The following SYNRG variants were observed in gnomAD, a reference collection of about 807,000 sequenced individuals.
SYNRG encodes the protein AP1 gamma subunit binding protein 1.
In SYNRG, 37 loss-of-function variants were observed where a neutral mutation model predicts 130.9. That is an observed-to-expected ratio of 0.28 (90% CI 0.22 to 0.37). SYNRG has a LOEUF of 0.37. SYNRG is among the 10% of genes least tolerant of loss of function. The pLI, the probability that SYNRG is intolerant of heterozygous loss-of-function variation, is 1.00. For missense variants in SYNRG, 1,338 were observed against 1,588.9 expected, an observed-to-expected ratio of 0.84 and a Z score of 2.68; for synonymous variants, 539 against 568.1, an observed-to-expected ratio of 0.95 and a Z score of 0.73.
chr17:37,549,793 T>A (rs2058576247), intron 14 of SYNRG, among the ~76,000 whole-genome samples: 1 of 151,696 alleles, frequency 6.6e-6, no homozygotes, highest in Non-Finnish European at 1.5e-5. Context: ...GGTTTTGCCA[T>A]GTTGCCTAGG....
At chr17:37,570,220 T>C (rs886272570) in intron 10 of SYNRG, among the ~76,000 whole-genome samples, 3 of 147,676 alleles carry the variant, frequency 2.0e-5, no homozygotes, top group Non-Finnish European at 4.5e-5. Context: ...ATCGTAATCA[T>C]AGCTCACTGC....
chr17:37,542,515 C>T lies in SYNRG; in HGVS notation c.2659G>A (p.Ala887Thr), dbSNP rs1329509713. The change falls in exon 15 of 22, where the codon GCA (alanine) becomes ACA (threonine). Residue 887 changes from alanine to threonine, a missense_variant. By Grantham distance (58) the Ala-to-Thr change is moderately conservative. Transcript: ENST00000612223. ...TCATAGCTTGTAAGTGTGCTCACTG[C>T]AAAATTGCTACTGTAGCTTCCAAAA... ...AAFGSYSSNF[A>T]VSTLTSYDWS... is the part of the protein sequence containing the mutation. The T allele has an allele frequency of 3.1e-6, 5 of 1,613,068 alleles. No homozygotes were observed. Among genetic ancestry groups the T allele is most frequent in the Non-Finnish European group, 4.2e-6 (5 of 1,180,010 alleles).
Position 37,609,377 on chromosome 17 carries a change from C to T in SYNRG, c.-22G>A. The T allele has an allele frequency of 7.1e-7, 1 of 1,408,442 alleles. No individual in the cohort carries two copies. Among genetic ancestry groups the T allele is most frequent in the South Asian group, 1.5e-5 (1 of 67,550 alleles). 87.2% of individuals were successfully genotyped at this position (1,408,442 alleles called of 1,614,324 possible). ...CCATCTTGCTCCCGACCTGCCGCTG[C>T]CTTCGCCGCCGCCACCTTATCAGCA... On this transcript the variant is annotated 5_prime_UTR_variant, in exon 1 of 22. Coordinates refer to ENST00000612223, the MANE Select transcript of SYNRG (RefSeq NM_007247.6).
At chr17:37,540,589 T>C (rs750701425) in intron 15 of SYNRG, 46 bp from the exon 16 acceptor site, 3 of 1,581,966 alleles carry the variant, frequency 1.9e-6, no homozygotes, top group East Asian at 2.3e-5. Flanking sequence ...CTACTCACCT[T>C]AGTTCAGGCA....
At chr17:37,555,530 T>C (rs566576967) in intron 13 of SYNRG, among the ~76,000 whole-genome samples, 78 of 152,328 alleles carry the variant, frequency 5.1e-4, no homozygotes, top group Middle Eastern at 6.8e-3. Context: ...AGTTTTCTAA[T>C]AGCATCTGAA....
At chr17:37,579,051 T>C in intron 6 of SYNRG, 1 of 969,284 alleles carries the variant, frequency 1.0e-6, no homozygotes. Context: ...CCAACATCAC[T>C]GGATTATTCT....
At chr17:37,571,683 T>A in intron 9 of SYNRG, 108 bp downstream of exon 9, 1 of 987,434 alleles carries the variant, frequency 1.0e-6, no homozygotes. Context: ...CTGAAAATGA[T>A]CTAAATTTTA....
intron 1 of SYNRG, among the ~76,000 whole-genome samples, chr17:37,602,120 G>A (rs2063341099): frequency 6.6e-6 from 1 of 152,088 alleles, no homozygotes; most frequent in Admixed American, 6.5e-5. Context: ...TGGATCACCT[G>A]AGGTTGGGAG....
chr17:37,525,601 G>A (rs559281747), intron 19 of SYNRG, among the ~76,000 whole-genome samples: 1 of 152,364 alleles, frequency 6.6e-6, no homozygotes, highest in Admixed American at 6.5e-5. Flanking sequence ...GGGAGGCCGA[G>A]GTGGGTGGAT....
chr17:37,603,142 T>C (rs2063437822), intron 1 of SYNRG, among the ~76,000 whole-genome samples: 1 of 152,214 alleles, frequency 6.6e-6, no homozygotes, highest in Non-Finnish European at 1.5e-5. Context: ...GGAAGACTTC[T>C]GAGTGAGAAA....
Position 37,520,747 on chromosome 17 carries a change from T to C in SYNRG, c.3667-99A>G, listed in dbSNP as rs2054912748. 6.8e-6 allele frequency: 6 copies of C among 884,766 alleles called. No individual in the cohort carries two copies. The South Asian group carries it at 8.9e-5, about 13-fold the overall frequency. The allele number at this position is 884,766 out of a possible 1,614,324, so 54.8% of individuals were successfully genotyped here. A position where few individuals can be genotyped will look rare whatever the true frequency, so the allele number is the denominator to read the frequency against. ...CACCCCCAGCAGGCCTAGCGGCAAG[T>C]ACAGTACTCTAACACCACCACTACA... On this transcript the variant is annotated intron_variant, in intron 19 of 21. Coordinates refer to ENST00000612223, the MANE Select transcript of SYNRG (RefSeq NM_007247.6).
intron 11 of SYNRG, among the ~76,000 whole-genome samples, chr17:37,565,123 G>T (rs1350052535): frequency 1.3e-5 from 2 of 152,156 alleles, no homozygotes; most frequent in African/African-American, 4.8e-5. Context: ...AATTAGCTGG[G>T]TGTAGTGGCG....
intron 5 of SYNRG, 108 bp downstream of exon 5, chr17:37,585,217 C>T (rs2061604947): frequency 1.2e-6 from 1 of 838,260 alleles, no homozygotes; most frequent in Non-Finnish European, 1.9e-6. Context: ...GAATCAATCA[C>T]AGCCTCAGCT....
intron 1 of SYNRG, among the ~76,000 whole-genome samples, chr17:37,604,223 G>C (rs2063540460): frequency 6.8e-6 from 1 of 146,350 alleles, no homozygotes; most frequent in Non-Finnish European, 1.5e-5. Context: ...CTGGGTGACA[G>C]AGTGAGACTC....
intron 14 of SYNRG, among the ~76,000 whole-genome samples, chr17:37,543,512 G>A (rs1293733248): frequency 1.3e-5 from 2 of 152,168 alleles, no homozygotes; most frequent in Non-Finnish European, 2.9e-5. Context: ...GCTAATGATT[G>A]AACATTTCTG....
Position 37,517,942 on chromosome 17 carries a change from T to TA in SYNRG, c.*997_*998insT, listed in dbSNP as rs1427310300. The TA allele has an allele frequency of 2.6e-5, 4 of 152,242 alleles. No individual in the cohort carries two copies. The highest frequency in any genetic ancestry group is 5.9e-5 in the Non-Finnish European group (4 of 68,040). The allele number at this position is 152,242 out of a possible 1,614,324, so 9.4% of individuals were successfully genotyped here. ...CAGTACTGTTTCTGGACAATTTTCT[T>TA]CTACTTCTTCTAAGTCATGTATCTA... On this transcript the variant is annotated 3_prime_UTR_variant, in exon 22 of 22. Coordinates refer to ENST00000612223, the MANE Select transcript of SYNRG (RefSeq NM_007247.6).
At chr17:37,536,368 C>T in intron 18 of SYNRG, 1 of 509,474 alleles carries the variant, frequency 2.0e-6, no homozygotes, top group Non-Finnish European at 3.4e-6. Flanking sequence ...GGCTACATGA[C>T]CTTAGGCAAG....
chr17:37,536,896 T>C (rs1407906694), intron 18 of SYNRG: 1 of 152,248 alleles, frequency 6.6e-6, no homozygotes, highest in South Asian at 2.1e-4. Context: ...CCGATCTCTC[T>C]AAGTGAACAC....
chr17:37,539,187 C>T lies in SYNRG; in HGVS notation c.3420+5G>A. On this transcript the variant is annotated splice_donor_5th_base_variant and intron_variant, in intron 17 of 21. Coordinates refer to ENST00000612223, the MANE Select transcript of SYNRG (RefSeq NM_007247.6). ...TATGTGTGAACGCGTAAGTGACATA[C>T]TCACATTCAGGGCACTCCCCAGGCA... 6.8e-6 allele frequency: 11 copies of T among 1,614,064 alleles called. No individual in the cohort carries two copies. Among genetic ancestry groups the T allele is most frequent in the Non-Finnish European group, 9.3e-6 (11 of 1,180,002 alleles).
Sources: allele counts gnomAD v4.1 joint callset (sites outside exome capture counted in the v4.1 genomes callset), GRCh38; gene constraint gnomAD v4.1.1; transcripts MANE v1.5; gene names NCBI Gene and HGNC (gene_info 2026-07-23, HGNC 2026-07-21).